Variants in BRK1 observed in about 807,000 individuals in gnomAD.
The protein encoded by BRK1 is protein BRICK1.
A neutral mutation model predicts 9.9 loss-of-function variants in BRK1; 6 were observed. That is an observed-to-expected ratio of 0.60 (90% confidence interval 0.33 to 1.19). BRK1 has a LOEUF of 1.19. Ranked by LOEUF, BRK1 falls within the 50% of genes most tolerant of loss-of-function variation. BRK1 has a pLI of 0.04. For synonymous variants in BRK1, 44 were observed against 31.9 expected (o/e 1.38, Z -1.28); for missense variants, 62 against 97.5 (o/e 0.64, Z 1.53).
chr3:10,126,220 C>G (rs747142969), intron 2 of BRK1, 49 bp from the exon 3 acceptor site: 28 of 1,408,032 alleles, frequency 2.0e-5, no homozygotes, highest in East Asian at 2.6e-5. Context: ...TTAGACCCCT[C>G]TAATCTTTTT....
At chr3:10,120,702 T>G (rs1485950359) in intron 1 of BRK1, among the ~76,000 whole-genome samples, 1 of 152,190 alleles carries the variant, frequency 6.6e-6, no homozygotes, top group Non-Finnish European at 1.5e-5. Flanking sequence ...GTATACTTAT[T>G]AGGATTTGAA....
intron 1 of BRK1, among the ~76,000 whole-genome samples, chr3:10,122,292 C>A (rs1022575339): frequency 3.3e-5 from 5 of 152,056 alleles, no homozygotes; most frequent in Non-Finnish European, 7.4e-5. Context: ...CAATCATGGG[C>A]ATTTGGTTTT....
chr3:10,122,551 A>G (rs1289000166), intron 1 of BRK1, among the ~76,000 whole-genome samples: 1 of 151,970 alleles, frequency 6.6e-6, no homozygotes, highest in Non-Finnish European at 1.5e-5. Context: ...TACCAAAACA[A>G]AAAACAAAAA....
intron 1 of BRK1, among the ~76,000 whole-genome samples, chr3:10,121,343 G>A (rs899849489): frequency 6.6e-6 from 1 of 152,192 alleles, no homozygotes; most frequent in Non-Finnish European, 1.5e-5. Context: ...GCAGAGTTGG[G>A]CTGGAGACCT....
chr3:10,126,047 C>T (rs1447690279), intron 2 of BRK1, among the ~76,000 whole-genome samples: 2 of 152,126 alleles, frequency 1.3e-5, no homozygotes, highest in Non-Finnish European at 1.5e-5. Flanking sequence ...GCCGAGATCA[C>T]ACCACTGCAC....
rs1208762026 is a variant in BRK1, at chr3:10,125,707, G to A, written c.200G>A (p.Arg67Gln). The A allele has an allele frequency of 5.6e-6, 9 of 1,608,180 alleles. No individual in the cohort carries two copies. Among genetic ancestry groups the A allele is most frequent in the Non-Finnish European group, 7.7e-6 (9 of 1,176,378 alleles). Residue 67 changes from arginine to glutamine, a missense_variant and splice_region_variant, in exon 2 of 3, where the codon CGG becomes CAG. Transcript: ENST00000530758. ...LERRIEYIEA[R>Q]VTKGETLT ...CGGAGAATAGAGTACATTGAAGCTC[G>A]GGTGAGTTTGATGGGCAAGGGCATT...
intron 1 of BRK1, among the ~76,000 whole-genome samples, 178 bp downstream of exon 1, chr3:10,115,997 T>G (rs1417152948): frequency 6.6e-6 from 1 of 152,064 alleles, no homozygotes; most frequent in Non-Finnish European, 1.5e-5. Context: ...CCGTAGACAG[T>G]CTCTGTAGGG....
In BRK1 at chr3:10,126,372, T is replaced by A; in HGVS notation, c.*77T>A. On this transcript the variant is annotated 3_prime_UTR_variant, in exon 3 of 3. Transcript: ENST00000530758. ...GGGAAAGGCCCCAGCAGCCTTCAGC[T>A]CCTTCCTTTCTCCTTAAAGAGCAAC... is the stretch of plus-strand genomic sequence containing the variant. 2 of 1,275,540 alleles carry A rather than the reference T, an allele frequency of 1.6e-6. No individual in the cohort carries two copies. The highest frequency in any genetic ancestry group is 2.5e-5 in the East Asian group (1 of 39,728). The allele number at this position is 1,275,540 out of a possible 1,614,324, so 79.0% of individuals were successfully genotyped here. A position where few individuals can be genotyped will look rare whatever the true frequency, so the allele number is the denominator to read the frequency against.
chr3:10,122,918 T>C (rs1695778352), intron 1 of BRK1, among the ~76,000 whole-genome samples: 1 of 152,140 alleles, frequency 6.6e-6, no homozygotes, highest in Non-Finnish European at 1.5e-5. Context: ...TTTGTCAAAA[T>C]GGATGCTGAA....
At chr3:10,125,093 C>A (rs1205747321) in intron 1 of BRK1, among the ~76,000 whole-genome samples, 2 of 152,006 alleles carry the variant, frequency 1.3e-5, no homozygotes, top group Non-Finnish European at 2.9e-5. Flanking sequence ...TTCACAGGAT[C>A]CAGGGATTAG....
At chr3:10,123,064 T>C (rs145056276) in intron 1 of BRK1, among the ~76,000 whole-genome samples, 1 of 152,318 alleles carries the variant, frequency 6.6e-6, no homozygotes, top group East Asian at 1.9e-4. Flanking sequence ...TGAACAACAA[T>C]GTTGGAGGAG....
chr3:10,120,103 C>T (rs945699105), intron 1 of BRK1, among the ~76,000 whole-genome samples: 2 of 151,942 alleles, frequency 1.3e-5, no homozygotes, highest in Admixed American at 1.3e-4. Context: ...AATCTCGGCT[C>T]ACTGCAACCT....
rs1470262474 is a variant in BRK1, at chr3:10,125,765, A to G, written c.201+57A>G. The G allele has an allele frequency of 5.4e-6, 7 of 1,287,726 alleles. No individual in the cohort carries two copies. In the African/African-American group the frequency reaches 7.4e-5, roughly 14 times the overall value. The allele number at this position is 1,287,726 out of a possible 1,614,324, so 79.8% of individuals were successfully genotyped here. A position where few individuals can be genotyped will look rare whatever the true frequency, so the allele number is the denominator to read the frequency against. Reference sequence around the variant, plus strand: ...GAATGCACATTTCCACTTATTGCTGAAAAAAACCTGAAAGCAGAAACAGTC... The same window carrying G: ...GAATGCACATTTCCACTTATTGCTGGAAAAAACCTGAAAGCAGAAACAGTC... On this transcript the variant is annotated intron_variant, in intron 2 of 2. Transcript: ENST00000530758.
chr3:10,123,312 T>C (rs1695783601), intron 1 of BRK1, among the ~76,000 whole-genome samples: 1 of 152,136 alleles, frequency 6.6e-6, no homozygotes, highest in African/African-American at 2.4e-5. Flanking sequence ...CTCTCCAACT[T>C]TTCTCTAGTT....
rs1695829609 is a variant in BRK1, at chr3:10,125,653, C to T, written c.146C>T (p.Thr49Ile). Reference sequence around the variant, plus strand: ...ATGTCTTGTCGTTCAAGACTTGCAACACTAAACGAGAAATTGACAGCCCTT... The same window carrying T: ...ATGTCTTGTCGTTCAAGACTTGCAATACTAAACGAGAAATTGACAGCCCTT... ...FDMSCRSRLA[T>I]LNEKLTALER... is the part of the protein sequence containing the mutation. Residue 49 changes from threonine (T) to isoleucine (I), a missense_variant, in exon 2 of 3, where the codon ACA becomes ATA. By Grantham distance (89) the Thr-to-Ile change is moderately conservative (BLOSUM62 -1). Coordinates refer to ENST00000530758, the MANE Select transcript of BRK1 (RefSeq NM_018462.5). 1 of 1,612,522 alleles carries T rather than the reference C, an allele frequency of 6.2e-7. No individual in the cohort carries two copies. The highest frequency in any genetic ancestry group is 8.5e-7 in the Non-Finnish European group (1 of 1,179,280).
chr3:10,125,170 T>G (rs1474206309), intron 1 of BRK1, among the ~76,000 whole-genome samples: 2 of 149,736 alleles, frequency 1.3e-5, no homozygotes, highest in African/African-American at 2.5e-5. Flanking sequence ...TGGCGAGATC[T>G]TGGCTCACTG....
intron 1 of BRK1, among the ~76,000 whole-genome samples, chr3:10,118,567 A>C (rs1246677331): frequency 6.6e-6 from 1 of 151,924 alleles, no homozygotes; most frequent in Admixed American, 6.6e-5. Context: ...GGCTCACTGC[A>C]ACCTCCATCT....
At chr3:10,116,015 G>A (rs1409258416) in intron 1 of BRK1, among the ~76,000 whole-genome samples, 196 bp downstream of exon 1, 1 of 152,092 alleles carries the variant, frequency 6.6e-6, no homozygotes, top group East Asian at 1.9e-4. Flanking sequence ...GGGTTATCCT[G>A]CCCTACGCTG....
chr3:10,121,231 A>G (rs1241365854), intron 1 of BRK1, among the ~76,000 whole-genome samples: 1 of 152,204 alleles, frequency 6.6e-6, no homozygotes, highest in Non-Finnish European at 1.5e-5. Flanking sequence ...TTTGGGGATG[A>G]TGAAAATATT....
Sources: gnomAD v4.1 joint callset for allele counts (sites outside exome capture counted in the v4.1 genomes callset) on GRCh38, gnomAD v4.1.1 for gene constraint, MANE v1.5 for transcripts, NCBI Gene and HGNC (gene_info 2026-07-23, HGNC 2026-07-21) for gene names.